Variants in TBC1D31 observed in about 807,000 individuals in gnomAD.
TBC1D31 encodes the protein WD repeat domain 67.
In TBC1D31, 99 loss-of-function variants were observed where a neutral mutation model predicts 132.9. The ratio of observed to expected loss-of-function variants is 0.74; its 90% CI spans 0.63 to 0.88. The LOEUF is 0.88. TBC1D31 is among the 40% of genes least tolerant of loss of function. The pLI is 0.00. For missense variants in TBC1D31, 1,134 were observed against 1,256.6 expected (o/e 0.90, Z 1.48); for synonymous variants, 385 against 419.4 (o/e 0.92, Z 1.00).
intron 10 of TBC1D31, among the ~76,000 whole-genome samples, chr8:123,111,664 A>G (rs1034019835): frequency 4.6e-5 from 7 of 151,098 alleles, no homozygotes; most frequent in African/African-American, 1.7e-4. Flanking sequence ...TAACACACAT[A>G]CACACACACA....
intron 6 of TBC1D31, chr8:123,097,760 C>G (rs1816965013): frequency 5.4e-6 from 1 of 185,786 alleles, no homozygotes; most frequent in Non-Finnish European, 1.1e-5. Context: ...GATATTCTCC[C>G]CATTTTACAG....
At chr8:123,127,085 G>T (rs1820130778) in intron 13 of TBC1D31, among the ~76,000 whole-genome samples, 1 of 151,906 alleles carries the variant, frequency 6.6e-6, no homozygotes, top group Non-Finnish European at 1.5e-5. Flanking sequence ...TTGAGTCCCT[G>T]TTATATGTCA....
At chr8:123,096,467 A>G (rs537034699) in intron 5 of TBC1D31, among the ~76,000 whole-genome samples, 21 of 152,334 alleles carry the variant, frequency 1.4e-4, no homozygotes, top group Non-Finnish European at 2.1e-4. Context: ...TGACTGGCCT[A>G]TTTGTGTCAT....
At chr8:123,101,090 A>C in intron 7 of TBC1D31, 83 bp downstream of exon 7, 1 of 1,054,652 alleles carries the variant, frequency 9.5e-7, no homozygotes, top group Non-Finnish European at 1.4e-6. Flanking sequence ...TTATGCTACT[A>C]TTTCTAACTT....
At chr8:123,160,976 C>T in the TBC1D31 span, among the ~76,000 whole-genome samples, 1 of 152,158 alleles carries the variant, frequency 6.6e-6, no homozygotes, top group African/African-American at 2.4e-5. Context: ...TGGCTGCAGG[C>T]GCCCTGCTGG....
intron 8 of TBC1D31, among the ~76,000 whole-genome samples, chr8:123,108,924 G>C (rs192057230): frequency 6.6e-6 from 1 of 152,114 alleles, no homozygotes; most frequent in Non-Finnish European, 1.5e-5. Flanking sequence ...ATCAGATCTC[G>C]TGAGAACTAT....
chr8:123,114,312 T>C (rs1818718810), intron 10 of TBC1D31, among the ~76,000 whole-genome samples: 1 of 142,584 alleles, frequency 7.0e-6, no homozygotes, highest in Non-Finnish European at 1.6e-5. Flanking sequence ...TCTGTTTGTT[T>C]GTTTTTTGTT....
At chr8:123,093,476 C>T (rs1586591453) in intron 4 of TBC1D31, 115 bp from the exon 5 acceptor site, 1 of 607,144 alleles carries the variant, frequency 1.6e-6, no homozygotes, top group Non-Finnish European at 2.6e-6. Context: ...ATGTATTTTC[C>T]CCAGCTTAAG....
chr8:123,128,622 G>C, intron 14 of TBC1D31, 109 bp downstream of exon 14: 1 of 838,278 alleles, frequency 1.2e-6, no homozygotes, highest in East Asian at 2.7e-5. Flanking sequence ...CACGCCTATA[G>C]TCCCAGCACT....
At chr8:123,152,932 A>G (rs1254631733), downstream of TBC1D31, among the ~76,000 whole-genome samples, 1 of 152,230 alleles carries the variant, frequency 6.6e-6, no homozygotes, top group Non-Finnish European at 1.5e-5. Flanking sequence ...CATAGTAAGT[A>G]TATAATATGT....
chr8:123,163,792 T>C, the TBC1D31 span, among the ~76,000 whole-genome samples: 2 of 152,174 alleles, frequency 1.3e-5, no homozygotes, highest in African/African-American at 4.8e-5. Flanking sequence ...CCCGAAGGAG[T>C]GTACCCAAAG....
In TBC1D31 at chr8:123,086,054, G is replaced by A. The variant is rs369341306; in HGVS notation, c.519+1714G>A. ...GATAAAATAAATAATTCATGTCAAC[G>A]GCTTGGCCGAGTGCCAGGCCCTTAT... On this transcript the variant is annotated intron_variant, in intron 4 of 21. Transcript: ENST00000287380. Among the ~76,000 whole-genome samples the A allele has an allele frequency of 1.1e-4, 16 of 152,258 alleles. No individual in the cohort carries two copies. In the South Asian group the frequency reaches 2.7e-3, roughly 26 times the overall value.
intron 4 of TBC1D31, among the ~76,000 whole-genome samples, chr8:123,088,896 A>G (rs1021421638): frequency 2.0e-5 from 3 of 152,078 alleles, no homozygotes; most frequent in Non-Finnish European, 4.4e-5. Context: ...TTTCATCATT[A>G]TTGTTTAATT....
chr8:123,119,315 T>C (rs1819251355), intron 10 of TBC1D31, among the ~76,000 whole-genome samples: 1 of 152,186 alleles, frequency 6.6e-6, no homozygotes, highest in Non-Finnish European at 1.5e-5. Context: ...TGTATTCTCA[T>C]GTGAAGAATG....
chr8:123,144,909 T>A, intron 20 of TBC1D31, 54 bp downstream of exon 20: 1 of 1,516,964 alleles, frequency 6.6e-7, no homozygotes, highest in Non-Finnish European at 8.9e-7. Context: ...ATTCTTTTAG[T>A]AGGGTCTATT....
At chr8:123,094,424 G>A (rs768134692) in intron 5 of TBC1D31, among the ~76,000 whole-genome samples, 51 of 151,926 alleles carry the variant, frequency 3.4e-4, no homozygotes, top group Non-Finnish European at 5.1e-4. Context: ...CAAAACCTAA[G>A]CATATCATTT....
At chr8:123,155,849 A>G (rs1481257710), downstream of TBC1D31, among the ~76,000 whole-genome samples, 1 of 152,212 alleles carries the variant, frequency 6.6e-6, no homozygotes, top group African/African-American at 2.4e-5. The surrounding 1 kb of genome is among the most constrained non-coding windows in gnomAD (Gnocchi z 4.1). Flanking sequence ...TTCTGAATTG[A>G]CACTAATTAC....
chr8:123,128,400 A>G lies in TBC1D31; in HGVS notation c.2004A>G (p.Ala668=), dbSNP rs758764333. ...ACAGCATGCTTAATGTTTTTGTTGC[A>G]CTGACAAAAGGGCAGTATCCAGTAT... ...HPDSMLNVFV[A]LTKGQYPVFN... Residue 668 remains alanine, a synonymous_variant, in exon 14 of 22, where the codon GCA becomes GCG. Transcript: ENST00000287380. The G allele has an allele frequency of 6.2e-7, 1 of 1,612,828 alleles. No homozygotes were observed. The highest frequency in any genetic ancestry group is 8.5e-7 in the Non-Finnish European group (1 of 1,178,946).
intron 1 of TBC1D31, among the ~76,000 whole-genome samples, chr8:123,074,192 A>T (rs144405034): frequency 1.3e-5 from 2 of 151,740 alleles, no homozygotes; most frequent in East Asian, 3.9e-4. Context: ...ACTCCCGGCT[A>T]ATTTTTTGTA....
Sources: gnomAD v4.1 joint callset for allele counts (sites outside exome capture counted in the v4.1 genomes callset) on GRCh38, gnomAD v4.1.1 for gene constraint, Gnocchi (gnomAD v3.1) non-coding constraint, MANE v1.5 for transcripts, NCBI Gene and HGNC (gene_info 2026-07-23, HGNC 2026-07-21) for gene names.